Variants in RIPOR1 observed in about 807,000 individuals in gnomAD.
The protein encoded by RIPOR1 is RHO family interacting cell polarization regulator 1, also known as rho family-interacting cell polarization regulator 1.
A neutral mutation model predicts 116.5 loss-of-function variants in RIPOR1; 58 were observed. The observed-to-expected ratio is 0.50, with a 90% CI of 0.40 to 0.62. The LOEUF is 0.62. Ranked by LOEUF, RIPOR1 falls within the 20% of genes least tolerant of loss-of-function variation. The pLI is 0.00. For missense variants in RIPOR1, 1,372 were observed against 1,586.2 expected (o/e 0.86, Z 2.29); for synonymous variants, 605 against 650.0 (o/e 0.93, Z 1.05).
Position 67,543,505 on chromosome 16 carries a change from T to C in RIPOR1, c.2600+36T>C, listed in dbSNP as rs187222691. The C allele has an allele frequency of 1.9e-6, 3 of 1,543,990 alleles. No individual in the cohort carries two copies. The highest frequency in any genetic ancestry group is 2.7e-5 in the African/African-American group (2 of 73,000). On this transcript the variant is annotated intron_variant, in intron 14 of 21. Transcript: ENST00000042381. The surrounding 1 kb of genome is among the most constrained non-coding windows in gnomAD (Gnocchi z 4.7). ...TAGGCAAGATGGGTGTGAGGCTAGG[T>C]GAGAGGGAAAAGGTGAGGCAGGACC...
chr16:67,527,672 C>T (rs35920865), upstream of RIPOR1, among the ~76,000 whole-genome samples: 3,918 of 151,940 alleles, frequency 0.026, 45 homozygotes, highest in South Asian at 0.045. Context: ...GTCAGGAGAT[C>T]GAGACCATCC....
Position 67,530,362 on chromosome 16 carries a change from G to T in RIPOR1, c.-24+1448G>T, listed in dbSNP as rs1361150563. On this transcript the variant is annotated intron_variant, in intron 1 of 21. Transcript: ENST00000042381. The surrounding 1 kb of genome is among the most constrained non-coding windows in gnomAD (Gnocchi z 4.5). ...CCTCCGCCCGGTTCCGGGGTGGGGGGTCCGGGGCTGTGCCGCTCCCCCTCC... is the reference window on the plus strand; with the variant it reads ...CCTCCGCCCGGTTCCGGGGTGGGGGTTCCGGGGCTGTGCCGCTCCCCCTCC... Among the ~76,000 whole-genome samples the T allele has an allele frequency of 2.6e-5, 4 of 152,212 alleles. No homozygotes were observed. Among genetic ancestry groups the T allele is most frequent in the African/African-American group, 7.2e-5 (3 of 41,472 alleles).
rs1337853519 is a variant in RIPOR1 at position 67,544,198 on chromosome 16, T to C, written c.2601-101T>C. The C allele has an allele frequency of 6.9e-7, 1 of 1,455,722 alleles. No homozygotes were observed. Among genetic ancestry groups the C allele is most frequent in the Non-Finnish European group, 9.3e-7 (1 of 1,075,564 alleles). The allele number at this position is 1,455,722 out of a possible 1,614,324, so 90.2% of individuals were successfully genotyped here. On this transcript the variant is annotated intron_variant, in intron 14 of 21. Transcript: ENST00000042381. The surrounding 1 kb of genome is among the most constrained non-coding windows in gnomAD (Gnocchi z 5.1). ...CCCACTGTCTGCTGTCGGTGCATCA[T>C]CTTCTTCCTTTCTGGCATGGGGGAA...
intron 1 of RIPOR1, among the ~76,000 whole-genome samples, chr16:67,534,241 C>T (rs2050736888): frequency 6.6e-6 from 1 of 151,824 alleles, no homozygotes; most frequent in South Asian, 2.1e-4. Flanking sequence ...ATGCCTCAGC[C>T]TCCCGAGTAG....
At chr16:67,520,055 T>G (rs1367345472) in intron 1 of RIPOR1, among the ~76,000 whole-genome samples, 1 of 67,818 alleles carries the variant, frequency 1.5e-5, no homozygotes, top group African/African-American at 5.5e-5. Flanking sequence ...AGAGCAAAAC[T>G]CCGTCTCAAA....
Position 67,542,213 on chromosome 16 carries a change from G to A in RIPOR1, c.1427G>A (p.Gly476Glu), listed in dbSNP as rs2051008424. The A allele has an allele frequency of 6.2e-7, 1 of 1,613,528 alleles. No homozygotes were observed. The highest frequency in any genetic ancestry group is 8.5e-7 in the Non-Finnish European group (1 of 1,179,720). ...EAVGPESLAWGPSPPTHPAPT... is the reference protein window; with the variant it reads ...EAVGPESLAWEPSPPTHPAPT... ...GTTGGCCCAGAAAGCCTAGCCTGGG[G>A]ACCTAGCCCACCTACACACCCAGCT... Residue 476 changes from glycine to glutamate, a missense_variant, in exon 13 of 22, where the codon GGA (glycine) becomes GAA (glutamate). Coordinates refer to ENST00000042381, the MANE Select transcript of RIPOR1 (RefSeq NM_024519.4). The surrounding 1 kb of genome is among the most constrained non-coding windows in gnomAD (Gnocchi z 4.6).
rs776743883 is a variant in RIPOR1 at position 67,542,861 on chromosome 16, A to G, written c.2075A>G (p.Lys692Arg). Residue 692 changes from lysine to arginine, a missense_variant, in exon 13 of 22, where the codon AAA (lysine) becomes AGA (arginine). Lys to Arg is a conservative substitution (Grantham distance 26, BLOSUM62 2). Coordinates refer to ENST00000042381, the MANE Select transcript of RIPOR1 (RefSeq NM_024519.4). The surrounding 1 kb of genome is among the most constrained non-coding windows in gnomAD (Gnocchi z 4.6). ...CTTGCTACCCTCTCCAGCCCCTCCA[A>G]ACACTCAGACCCCACCCTCCCAGGC... Reference protein sequence around the residue: ...LELATLSSPSKHSDPTLPGTD... With the variant: ...LELATLSSPSRHSDPTLPGTD... 1.2e-6 allele frequency: 2 copies of G among 1,613,240 alleles called. No individual in the cohort carries two copies. Among genetic ancestry groups the G allele is most frequent in the East Asian group, 2.2e-5 (1 of 44,846 alleles).
Position 67,546,473 on chromosome 16 carries a change from C to G in RIPOR1, c.*10C>G. The G allele has an allele frequency of 6.2e-7, 1 of 1,608,826 alleles. No homozygotes were observed. Among genetic ancestry groups the G allele is most frequent in the Non-Finnish European group, 8.5e-7 (1 of 1,175,734 alleles). On this transcript the variant is annotated 3_prime_UTR_variant, in exon 22 of 22. Coordinates refer to ENST00000042381, the MANE Select transcript of RIPOR1 (RefSeq NM_024519.4). ...CAGCACAGCATTCTAAACTATTCAC[C>G]CATGGGTTCCTGGTGCCCCTTTCCC...
intron 1 of RIPOR1, among the ~76,000 whole-genome samples, chr16:67,520,698 G>A (rs1313150629): frequency 1.3e-5 from 2 of 152,032 alleles, no homozygotes; most frequent in African/African-American, 4.8e-5. Flanking sequence ...TACTCAGGAG[G>A]CTGAGGCAGG....
Position 67,544,490 on chromosome 16 carries a change from G to T in RIPOR1, c.2733+59G>T. The T allele has an allele frequency of 6.4e-7, 1 of 1,567,670 alleles. No homozygotes were observed. Among genetic ancestry groups the T allele is most frequent in the Non-Finnish European group, 8.6e-7 (1 of 1,156,966 alleles). On this transcript the variant is annotated intron_variant, in intron 15 of 21. Transcript: ENST00000042381. This position sits in a 1 kb window ranked among gnomAD's most constrained non-coding sequence, Gnocchi z 5.1. ...GTAACCCCTAACCCCAGGGAGTCCT[G>T]CCCTTCCATCCTGGTCCTCTATACC...
At chr16:67,520,181 C>T (rs922888782) in intron 1 of RIPOR1, among the ~76,000 whole-genome samples, 5 of 150,794 alleles carry the variant, frequency 3.3e-5, no homozygotes, top group African/African-American at 1.2e-4. Context: ...AGTTCAAGAC[C>T]AGCCTGGACA....
In RIPOR1 at chr16:67,544,853, C is replaced by T. The variant is rs1339900604; in HGVS notation, c.2869+23C>T. ...AAGGTAAAGGCCCTGGGGGTTCGGG[C>T]TCTGCCATCTGCCTTGAAGCTCCTA... On this transcript the variant is annotated intron_variant, in intron 16 of 21. Transcript: ENST00000042381. The surrounding 1 kb of genome is among the most constrained non-coding windows in gnomAD (Gnocchi z 5.1). The T allele has an allele frequency of 1.3e-6, 2 of 1,590,124 alleles. No individual in the cohort carries two copies. The highest frequency in any genetic ancestry group is 1.7e-6 in the Non-Finnish European group (2 of 1,164,242).
chr16:67,540,819 G>A lies in RIPOR1; in HGVS notation c.801+115G>A, dbSNP rs1172245447. 9 of 1,105,324 alleles carry A rather than the reference G, an allele frequency of 8.1e-6. No homozygotes were observed. The East Asian group carries it at 2.2e-4, about 27-fold the overall frequency. The allele number at this position is 1,105,324 out of a possible 1,614,324, so 68.5% of individuals were successfully genotyped here. On this transcript the variant is annotated intron_variant, in intron 10 of 21. Transcript: ENST00000042381. This position sits in a 1 kb window ranked among gnomAD's most constrained non-coding sequence, Gnocchi z 4.7. ...CCTCATAGCTCCATAGCCCTGTGAA[G>A]ATATGATTCCATGACCTTCATGATC...
rs2051013689 is a variant in RIPOR1 at position 67,542,358 on chromosome 16, T to G, written c.1572T>G (p.Ser524=). Residue 524 remains serine (S), a synonymous_variant, in exon 13 of 22, where the codon TCT becomes TCG. Coordinates refer to ENST00000042381, the MANE Select transcript of RIPOR1 (RefSeq NM_024519.4). The surrounding 1 kb of genome is among the most constrained non-coding windows in gnomAD (Gnocchi z 4.6). The stretch of plus-strand genomic sequence containing the variant: ...CCACATCTACAGACCCTGCCCCATC[T>G]GCACACCTAGACTCAGTTCATAAGT... The part of the protein sequence containing the change: ...SVPTSTDPAP[S]AHLDSVHKST... 6.2e-7 allele frequency: 1 copy of G among 1,613,832 alleles called. No individual in the cohort carries two copies. The highest frequency in any genetic ancestry group is 1.3e-5 in the African/African-American group (1 of 74,842).
At chr16:67,519,397 G>A (rs950063967) in intron 1 of RIPOR1, among the ~76,000 whole-genome samples, 1 of 152,186 alleles carries the variant, frequency 6.6e-6, no homozygotes, top group Non-Finnish European at 1.5e-5. Context: ...GCCCTCCTAA[G>A]GAGGAACTGG....
chr16:67,544,390 G>T lies in RIPOR1; in HGVS notation c.2692G>T (p.Ala898Ser). 6.2e-7 allele frequency: 1 copy of T among 1,612,892 alleles called. No homozygotes were observed. Among genetic ancestry groups the T allele is most frequent in the Non-Finnish European group, 8.5e-7 (1 of 1,179,794 alleles). ...LSTGCPALDA[A>S]LVRHLYHCSR... ...CACGGGGTGTCCAGCTCTGGATGCT[G>T]CCTTGGTCCGGCACCTGTACCACTG... Residue 898 changes from alanine to serine, a missense_variant, in exon 15 of 22, where the codon GCC becomes TCC. Coordinates refer to ENST00000042381, the MANE Select transcript of RIPOR1 (RefSeq NM_024519.4). This position sits in a 1 kb window ranked among gnomAD's most constrained non-coding sequence, Gnocchi z 5.1.
In RIPOR1 at chr16:67,537,947, G is replaced by C. The variant is rs1290565243; in HGVS notation, c.-23-477G>C. 4.1e-6 allele frequency: 1 copy of C among 246,706 alleles called. No individual in the cohort carries two copies. The highest frequency in any genetic ancestry group is 7.7e-6 in the Non-Finnish European group (1 of 129,542). 15.3% of individuals were successfully genotyped at this position (246,706 alleles called of 1,614,324 possible). On this transcript the variant is annotated intron_variant, in intron 1 of 21. Transcript: ENST00000042381. This position sits in a 1 kb window ranked among gnomAD's most constrained non-coding sequence, Gnocchi z 4.6. ...CCGGCTGGGCCTGTCGGGCAGCTCC[G>C]CAGGGCTCCGAGCGTGGCCCCGCCC...
rs763333997 is a variant in RIPOR1 at position 67,545,688 on chromosome 16, C to T, written c.3215C>T (p.Ser1072Leu). The T allele has an allele frequency of 2.4e-5, 38 of 1,574,624 alleles. No homozygotes were observed. The highest frequency in any genetic ancestry group is 3.2e-5 in the Non-Finnish European group (37 of 1,159,976). ...EEVLLVRNLN[S>L]DDQAVVLKAL... ...GTGCTACTGGTGCGGAATCTGAACT[C>T]GGATGATCAGGCTGTTGTGCTGAAG... is the stretch of plus-strand genomic sequence containing the variant. The change falls in exon 19 of 22, where the codon TCG becomes TTG. Residue 1072 changes from serine to leucine, a missense_variant. By Grantham distance (145) the Ser-to-Leu change is moderately radical. Transcript: ENST00000042381. The surrounding 1 kb of genome is among the most constrained non-coding windows in gnomAD (Gnocchi z 4.8).
At position 67,545,039 on chromosome 16, in the gene RIPOR1, G is replaced by C; in HGVS notation, c.2953G>C (p.Val985Leu). 6.2e-7 allele frequency: 1 copy of C among 1,613,510 alleles called. No individual in the cohort carries two copies. Among genetic ancestry groups the C allele is most frequent in the Non-Finnish European group, 8.5e-7 (1 of 1,180,024 alleles). Residue 985 changes from valine (V) to leucine (L), a missense_variant, in exon 17 of 22, where the codon GTG (valine) becomes CTG (leucine). By Grantham distance (32) the Val-to-Leu change is conservative (BLOSUM62 1). Transcript: ENST00000042381. This position sits in a 1 kb window ranked among gnomAD's most constrained non-coding sequence, Gnocchi z 4.8. ...GAGACTCAGCTGCTTCCTCTGCCCG[G>C]TGGAGCGGGTGCTTCTCACCTTCTG... ...TERLSCFLCP[V>L]ERVLLTFCNQ... is the part of the protein sequence containing the mutation.
Sources: allele counts gnomAD v4.1 joint callset (sites outside exome capture counted in the v4.1 genomes callset), GRCh38; gene constraint gnomAD v4.1.1; non-coding constraint Gnocchi (gnomAD v3.1); transcripts MANE v1.5; gene names NCBI Gene and HGNC (gene_info 2026-07-23, HGNC 2026-07-21).